The following BMP3 variants were observed in gnomAD, a reference collection of about 807,000 sequenced individuals.
The protein encoded by BMP3 is bone morphogenetic protein 3, also known as bone morphogenetic protein 3 (osteogenic).
A neutral mutation model predicts 38.1 loss-of-function variants in BMP3; 23 were observed. The observed-to-expected ratio is 0.60, with a 90% CI of 0.43 to 0.86. The LOEUF is 0.86. Ranked by LOEUF, BMP3 falls within the 40% of genes least tolerant of loss-of-function variation. The pLI is 0.00. For missense variants in BMP3, 628 were observed against 579.6 expected, an observed-to-expected ratio of 1.08 and a Z score of -0.86; for synonymous variants, 258 against 225.7, an observed-to-expected ratio of 1.14 and a Z score of -1.28.
At chr4:81,038,479 G>A (rs1578294754) in intron 1 of BMP3, among the ~76,000 whole-genome samples, 1 of 152,104 alleles carries the variant, frequency 6.6e-6, no homozygotes, top group South Asian at 2.1e-4. Flanking sequence ...GAAAAGATGA[G>A]ATAGTTCAAA....
Position 81,057,027 on chromosome 4 carries a change from T to C in BMP3, c.*3491T>C, listed in dbSNP as rs188690032. 1 of 152,540 alleles carries C rather than the reference T, an allele frequency of 6.6e-6. No individual in the cohort carries two copies. Among genetic ancestry groups the C allele is most frequent in the Non-Finnish European group, 1.5e-5 (1 of 68,000 alleles). The allele number at this position is 152,540 out of a possible 1,614,324, so 9.4% of individuals were successfully genotyped here. ...CTGATGTGTAAGATTAAAGAAGAGA[T>C]TAAATAAGAAATCTTGGGTAAGTTG... On this transcript the variant is annotated 3_prime_UTR_variant, in exon 3 of 3. Coordinates refer to ENST00000282701, the MANE Select transcript of BMP3 (RefSeq NM_001201.5).
Position 81,046,065 on chromosome 4 carries a change from T to A in BMP3, c.644T>A (p.Phe215Tyr), listed in dbSNP as rs1191767146. The A allele has an allele frequency of 4.3e-6, 7 of 1,614,152 alleles. No homozygotes were observed. Among genetic ancestry groups the A allele is most frequent in the Non-Finnish European group, 4.2e-6 (5 of 1,179,996 alleles). ...AGGAAGGCCAAAGAAAATGAAGAGT[T>A]CCTCATAGGATTTAACATTACGTCC... ...LLRKAKENEE[F>Y]LIGFNITSKG... The change falls in exon 2 of 3, where the codon TTC becomes TAC. Residue 215 changes from phenylalanine (F) to tyrosine (Y), a missense_variant. By Grantham distance (22) the Phe-to-Tyr change is conservative. Coordinates refer to ENST00000282701, the MANE Select transcript of BMP3 (RefSeq NM_001201.5).
At chr4:81,036,195 G>A (rs1004055410) in intron 1 of BMP3, among the ~76,000 whole-genome samples, 1 of 151,768 alleles carries the variant, frequency 6.6e-6, no homozygotes, top group Non-Finnish European at 1.5e-5. Context: ...AAAAAGAAAA[G>A]CTAGTTTATT....
rs1326999354 is a variant in BMP3 at position 81,056,082 on chromosome 4, T to C, written c.*2546T>C. 1 of 152,148 alleles carries C rather than the reference T, an allele frequency of 6.6e-6. No homozygotes were observed. The highest frequency in any genetic ancestry group is 1.5e-5 in the Non-Finnish European group (1 of 68,024). 9.4% of individuals were successfully genotyped at this position (152,148 alleles called of 1,614,324 possible). ...ATTAATACAGATTTACTAAGAGTAG[T>C]TAGAAAATTTAGTAAGTGCCTGTTT... is the stretch of plus-strand genomic sequence containing the variant. On this transcript the variant is annotated 3_prime_UTR_variant, in exon 3 of 3. Coordinates refer to ENST00000282701, the MANE Select transcript of BMP3 (RefSeq NM_001201.5).
intron 2 of BMP3, among the ~76,000 whole-genome samples, chr4:81,050,011 C>A (rs939703420): frequency 2.8e-4 from 42 of 152,286 alleles, no homozygotes; most frequent in African/African-American, 9.6e-4. Context: ...AAGTTGACAA[C>A]CTGTTCTCTA....
At chr4:81,038,187 C>T (rs192736542) in intron 1 of BMP3, among the ~76,000 whole-genome samples, 1 of 152,120 alleles carries the variant, frequency 6.6e-6, no homozygotes, top group East Asian at 1.9e-4. Context: ...AAAATATATA[C>T]CTTAGAAGGT....
rs199761541 is a variant in BMP3, at chr4:81,042,818, T to G, written c.317-2920T>G. ...CTAGAACAGAGTGGCTTCTCTTCCT[T>G]CCACTTTAAACTTCTAGCTACTACA... On this transcript the variant is annotated intron_variant, in intron 1 of 2. Coordinates refer to ENST00000282701, the MANE Select transcript of BMP3 (RefSeq NM_001201.5). Among the ~76,000 whole-genome samples the G allele has an allele frequency of 1.5e-4, 23 of 152,296 alleles. 3 individuals carry two copies. In the East Asian group the frequency reaches 4.4e-3, roughly 29 times the overall value.
chr4:81,033,961 A>T (rs1739846918), intron 1 of BMP3, among the ~76,000 whole-genome samples: 1 of 152,212 alleles, frequency 6.6e-6, no homozygotes, highest in Admixed American at 6.5e-5. Flanking sequence ...TGTATGGGGC[A>T]GCTGCTGATC....
At chr4:81,051,007 T>C (rs912963519) in intron 2 of BMP3, among the ~76,000 whole-genome samples, 1 of 95,848 alleles carries the variant, frequency 1.0e-5, no homozygotes, top group Non-Finnish European at 2.3e-5. Flanking sequence ...GATCAGAGGA[T>C]TTCATAGTGA....
chr4:81,043,369 T>C (rs539927414), intron 1 of BMP3, among the ~76,000 whole-genome samples: 1 of 152,260 alleles, frequency 6.6e-6, no homozygotes, highest in African/African-American at 2.4e-5. Context: ...ATTTGAAGAA[T>C]TGGAAGTATG....
intron 1 of BMP3, among the ~76,000 whole-genome samples, chr4:81,043,708 C>T (rs1740153764): frequency 6.6e-6 from 1 of 151,836 alleles, no homozygotes; most frequent in Non-Finnish European, 1.5e-5. Flanking sequence ...CTGCCTCAGC[C>T]TCCCGAGTAG....
rs916003271 is a variant in BMP3, at chr4:81,055,796, A to G, written c.*2260A>G. The G allele has an allele frequency of 6.6e-6, 1 of 152,174 alleles. No homozygotes were observed. Among genetic ancestry groups the G allele is most frequent in the Non-Finnish European group, 1.5e-5 (1 of 68,040 alleles). The allele number at this position is 152,174 out of a possible 1,614,324, so 9.4% of individuals were successfully genotyped here. ...AATGGCCAAAAACCCACTACATAAT[A>G]AAATTTACAGGTACTAACTAGTTAA... On this transcript the variant is annotated 3_prime_UTR_variant, in exon 3 of 3. Transcript: ENST00000282701.
chr4:81,052,166 A>G (rs894191503), intron 2 of BMP3, among the ~76,000 whole-genome samples: 2 of 152,086 alleles, frequency 1.3e-5, no homozygotes, highest in Non-Finnish European at 2.9e-5. Flanking sequence ...GAGCCATGAG[A>G]AACATGGCTC....
At position 81,043,977 on chromosome 4, in the gene BMP3, T is replaced by C. The variant is rs553543122; in HGVS notation, c.317-1761T>C. Among the ~76,000 whole-genome samples, 3 of 152,286 alleles carry C rather than the reference T, an allele frequency of 2.0e-5. No homozygotes were observed. The South Asian group carries it at 6.2e-4, about 32-fold the overall frequency. On this transcript the variant is annotated intron_variant, in intron 1 of 2. Transcript: ENST00000282701. ...AACTAATAACAATAATAATTGATAT[T>C]TAAGAAACACTTCACAGACACTTTA...
intron 1 of BMP3, among the ~76,000 whole-genome samples, chr4:81,035,908 T>A (rs1739910367): frequency 6.6e-6 from 1 of 152,000 alleles, no homozygotes; most frequent in Non-Finnish European, 1.5e-5. Context: ...TTCTAAGATG[T>A]CTAGTTGGGA....
intron 1 of BMP3, among the ~76,000 whole-genome samples, chr4:81,035,840 T>C (rs1051397299): frequency 1.3e-5 from 2 of 152,030 alleles, no homozygotes; most frequent in African/African-American, 4.8e-5. Context: ...TAAATGCTAA[T>C]GAGTCCCCAT....
At position 81,053,440 on chromosome 4, in the gene BMP3, G is replaced by A. The variant is rs369416045; in HGVS notation, c.1323G>A (p.Lys441=). ...CTGAGCCTTGCTGTGTACCAGAAAA[G>A]ATGTCCTCACTCAGTATTTTATTCT... The part of the protein sequence containing the change: ...GIPEPCCVPE[K]MSSLSILFFD... Residue 441 remains lysine, a synonymous_variant, in exon 3 of 3, where the codon AAG becomes AAA. Coordinates refer to ENST00000282701, the MANE Select transcript of BMP3 (RefSeq NM_001201.5). 7.6e-5 allele frequency: 122 copies of A among 1,611,262 alleles called. No individual in the cohort carries two copies. Among genetic ancestry groups the A allele is most frequent in the Non-Finnish European group, 9.8e-5 (115 of 1,178,642 alleles).
At position 81,045,778 on chromosome 4, in the gene BMP3, A is replaced by G. The variant is rs1266223972; in HGVS notation, c.357A>G (p.Thr119=). 4 of 1,612,094 alleles carry G rather than the reference A, an allele frequency of 2.5e-6. No homozygotes were observed. The highest frequency in any genetic ancestry group is 3.4e-6 in the Non-Finnish European group (4 of 1,179,362). ...AAGGACTGTATATCTTCAATCTGAC[A>G]TCGCTAACCAAGTCTGAAAACATTT... ...ERKGLYIFNL[T]SLTKSENILS... Residue 119 remains threonine (T), a synonymous_variant, in exon 2 of 3, where the codon ACA becomes ACG. Transcript: ENST00000282701.
chr4:81,046,442 G>A lies in BMP3; in HGVS notation c.1021G>A (p.Gly341Arg). The change falls in exon 2 of 3, where the codon GGG becomes AGG. Residue 341 changes from glycine (G) to arginine (R), a missense_variant. By Grantham distance (125) the Gly-to-Arg change is moderately radical. Coordinates refer to ENST00000282701, the MANE Select transcript of BMP3 (RefSeq NM_001201.5). ...TAAGAATAAAAAGAAACAGAGAAAG[G>A]GGCCTCATCGGAAGAGCCAGACGCT... is the stretch of plus-strand genomic sequence containing the variant. ...KSKNKKKQRKGPHRKSQTLQF... is the reference protein window; with the variant it reads ...KSKNKKKQRKRPHRKSQTLQF... 1.2e-6 allele frequency: 2 copies of A among 1,613,840 alleles called. No individual in the cohort carries two copies. Among genetic ancestry groups the A allele is most frequent in the Non-Finnish European group, 1.7e-6 (2 of 1,179,954 alleles).
Sources: allele counts gnomAD v4.1 joint callset (sites outside exome capture counted in the v4.1 genomes callset), GRCh38; gene constraint gnomAD v4.1.1; transcripts MANE v1.5; gene names NCBI Gene and HGNC (gene_info 2026-07-23, HGNC 2026-07-21).